ATAD1: variants seen among roughly 807,000 people sequenced by gnomAD.
ATAD1 encodes the protein ATPase family AAA domain containing 1, also known as outer mitochondrial transmembrane helix translocase.
A neutral mutation model predicts 42.7 loss-of-function variants in ATAD1; 18 were observed. The ratio of observed to expected loss-of-function variants is 0.42; its 90% CI spans 0.29 to 0.63. The LOEUF (loss-of-function observed/expected upper bound fraction) is 0.63. Among genes scored for constraint, ATAD1 ranks in the 20% least tolerant of loss-of-function variants. The probability of loss-of-function intolerance (pLI) is 0.19; values close to 1 mark genes in which losing one functional copy is unlikely to be tolerated. For missense variants in ATAD1, 294 were observed against 440.4 expected, an observed-to-expected ratio of 0.67 and a Z score of 2.98; for synonymous variants, 132 against 143.1, an observed-to-expected ratio of 0.92 and a Z score of 0.55.
chr10:87,818,245 T>G (rs1857527245), upstream of ATAD1: 1 of 985,488 alleles, frequency 1.0e-6, no homozygotes, highest in African/African-American at 1.7e-5. Flanking sequence ...AGAGAACGCT[T>G]CCGGCGGGAG....
chr10:87,804,511 A>G (rs1399656967), intron 2 of ATAD1, among the ~76,000 whole-genome samples: 1 of 152,020 alleles, frequency 6.6e-6, no homozygotes, highest in Non-Finnish European at 1.5e-5. Context: ...ATGGGACTAC[A>G]GGCACCCATT....
intron 1 of ATAD1, among the ~76,000 whole-genome samples, chr10:87,839,270 G>A (rs926038543): frequency 6.6e-6 from 1 of 152,138 alleles, no homozygotes; most frequent in African/African-American, 2.4e-5. Context: ...ATGTTTCTCT[G>A]TAAATAATCT....
intron 1 of ATAD1, among the ~76,000 whole-genome samples, chr10:87,824,944 G>T (rs141063452): frequency 6.6e-6 from 1 of 152,098 alleles, no homozygotes; most frequent in Admixed American, 6.5e-5. Context: ...AAAGTTTAAC[G>T]TATTTATCGA....
intron 6 of ATAD1, among the ~76,000 whole-genome samples, chr10:87,773,573 C>G (rs573893797): frequency 6.6e-6 from 1 of 152,020 alleles, no homozygotes; most frequent in Non-Finnish European, 1.5e-5. Flanking sequence ...AAAAAGTGAC[C>G]GCAGTTTAAT....
chr10:87,815,186 C>T (rs1857359671), intron 1 of ATAD1, among the ~76,000 whole-genome samples: 1 of 151,898 alleles, frequency 6.6e-6, no homozygotes, highest in Admixed American at 6.6e-5. Flanking sequence ...ACTATTGTTC[C>T]CAACAACCGG....
intron 8 of ATAD1, among the ~76,000 whole-genome samples, chr10:87,758,897 T>C (rs2131760309): frequency 6.6e-6 from 1 of 152,326 alleles, no homozygotes; most frequent in Non-Finnish European, 1.5e-5. Context: ...TTATGTCTCA[T>C]GTACTGCCAC....
chr10:87,799,970 C>T (rs1856605733), intron 2 of ATAD1, among the ~76,000 whole-genome samples: 1 of 151,248 alleles, frequency 6.6e-6, no homozygotes, highest in African/African-American at 2.4e-5. Flanking sequence ...GAGAAAGACT[C>T]TTATATGGTA....
intron 8 of ATAD1, among the ~76,000 whole-genome samples, chr10:87,762,762 C>G (rs1344319686): frequency 1.3e-5 from 2 of 151,226 alleles, no homozygotes; most frequent in Non-Finnish European, 2.9e-5. Context: ...TTTTTGAAAG[C>G]AGTTATCAAA....
chr10:87,794,381 TGTCA>T (rs1856279238), intron 2 of ATAD1, among the ~76,000 whole-genome samples: 11 of 152,212 alleles, frequency 7.2e-5, no homozygotes, highest in Admixed American at 7.2e-4. Context: ...GTCGTTTACA[TGTCA>T]GTTAAAAAAG....
At chr10:87,805,078 G>T (rs867555823) in intron 2 of ATAD1, among the ~76,000 whole-genome samples, 3 of 152,014 alleles carry the variant, frequency 2.0e-5, no homozygotes, top group Admixed American at 6.6e-5. Flanking sequence ...TCTCAAAACC[G>T]TATTGCCTTT....
intron 4 of ATAD1, 39 bp downstream of exon 4, chr10:87,790,271 G>A: frequency 6.3e-7 from 1 of 1,587,978 alleles, no homozygotes; most frequent in South Asian, 1.2e-5. Flanking sequence ...TGTTTTCTAG[G>A]ATTTTAATGC....
rs1854089141 is a variant in ATAD1 at position 87,753,310 on chromosome 10, A to T, written c.*1377T>A. On this transcript the variant is annotated 3_prime_UTR_variant, in exon 10 of 10. Transcript: ENST00000680024. ...CCATTCAAAGTACAACTGAAGAATA[A>T]ACGATCTAACAGATTCTTGTGAGAC... 1 of 152,196 alleles carries T rather than the reference A, an allele frequency of 6.6e-6. No homozygotes were observed. The highest frequency in any genetic ancestry group is 6.5e-5 in the Admixed American group (1 of 15,274). 9.4% of individuals were successfully genotyped at this position (152,196 alleles called of 1,614,324 possible).
intron 4 of ATAD1, among the ~76,000 whole-genome samples, chr10:87,789,698 G>A (rs1226435515): frequency 6.6e-6 from 1 of 151,896 alleles, no homozygotes; most frequent in Non-Finnish European, 1.5e-5. Flanking sequence ...TTTCAACTTG[G>A]GTGACACAGT....
intron 1 of ATAD1, among the ~76,000 whole-genome samples, chr10:87,831,379 C>T (rs184442541): frequency 3.2e-4 from 48 of 152,336 alleles, no homozygotes; most frequent in Admixed American, 3.1e-3. Flanking sequence ...CCACGATTCT[C>T]ATTCTTGCCA....
At chr10:87,778,235 G>A (rs1011152979) in intron 5 of ATAD1, among the ~76,000 whole-genome samples, 4 of 142,278 alleles carry the variant, frequency 2.8e-5, no homozygotes, top group South Asian at 2.2e-4. Flanking sequence ...CCAGGGGTTC[G>A]AGACCAGGCT....
At chr10:87,778,677 A>G (rs2131852131) in intron 5 of ATAD1, among the ~76,000 whole-genome samples, 2 of 152,294 alleles carry the variant, frequency 1.3e-5, no homozygotes, top group East Asian at 3.9e-4. Context: ...AAAACTTTCG[A>G]ATTTTGGAGT....
chr10:87,762,395 A>T (rs1465753728), intron 8 of ATAD1, among the ~76,000 whole-genome samples: 1 of 152,098 alleles, frequency 6.6e-6, no homozygotes, highest in Non-Finnish European at 1.5e-5. Flanking sequence ...TTTCTTCTCT[A>T]AACTTTTCAC....
At chr10:87,775,420 C>CAAAA (rs35200026) in intron 6 of ATAD1, among the ~76,000 whole-genome samples, 3 of 24,050 alleles carry the variant, frequency 1.2e-4, no homozygotes, top group Non-Finnish European at 2.6e-4. Context: ...GACTCCATCT[C>CAAAA]AAAAAAAAAA....
chr10:87,798,169 T>C (rs1003837687), intron 2 of ATAD1, among the ~76,000 whole-genome samples: 4 of 152,176 alleles, frequency 2.6e-5, no homozygotes, highest in African/African-American at 9.6e-5. Flanking sequence ...CCAAGACATG[T>C]AAGAGGGCAG....
Sources: gnomAD v4.1 joint callset for allele counts (sites outside exome capture counted in the v4.1 genomes callset) on GRCh38, gnomAD v4.1.1 for gene constraint, MANE v1.5 for transcripts, NCBI Gene and HGNC (gene_info 2026-07-23, HGNC 2026-07-21) for gene names.